Variants in COL20A1 observed in about 807,000 individuals in gnomAD.
COL20A1 encodes collagen type XX alpha 1 chain.
In COL20A1, 164 loss-of-function variants were observed where a neutral mutation model predicts 152.9. That is an observed-to-expected ratio of 1.07 (90% CI 0.94 to 1.22). The LOEUF (loss-of-function observed/expected upper bound fraction) is 1.22. Among genes scored for constraint, COL20A1 ranks in the 50% most tolerant of loss-of-function variants. The pLI is 0.00. For missense variants in COL20A1, 1,873 were observed against 1,744.8 expected (o/e 1.07, Z -1.31); for synonymous variants, 864 against 756.0 (o/e 1.14, Z -2.34).
In COL20A1 at chr20:63,306,863, G is replaced by A. The variant is rs1036397336; in HGVS notation, c.497-627G>A. Among the ~76,000 whole-genome samples the A allele has an allele frequency of 6.6e-6, 1 of 152,198 alleles. No homozygotes were observed. The highest frequency in any genetic ancestry group is 6.5e-5 in the Admixed American group (1 of 15,288). On this transcript the variant is annotated intron_variant, in intron 5 of 35. Coordinates refer to ENST00000358894, the MANE Select transcript of COL20A1 (RefSeq NM_020882.4). The surrounding 1 kb of genome is among the most constrained non-coding windows in gnomAD (Gnocchi z 6.9). ...TCCCCTCCAGAGGGTCCTCGGGTCC[G>A]CTGCTGTCCTCCCCTCAGGGTGCTG...
chr20:63,328,557 C>G, intron 34 of COL20A1, 59 bp downstream of exon 34: 1 of 1,498,782 alleles, frequency 6.7e-7, no homozygotes, highest in South Asian at 1.2e-5. Flanking sequence ...CCGGTTGTCC[C>G]CTGGTCCTGG....
chr20:63,319,445 G>A lies in COL20A1; in HGVS notation c.2807-42G>A. The A allele has an allele frequency of 1.4e-6, 2 of 1,452,256 alleles. No homozygotes were observed. Among genetic ancestry groups the A allele is most frequent in the South Asian group, 1.2e-5 (1 of 81,568 alleles). The allele number at this position is 1,452,256 out of a possible 1,614,324, so 90.0% of individuals were successfully genotyped here. A position where few individuals can be genotyped will look rare whatever the true frequency, so the allele number is the denominator to read the frequency against. On this transcript the variant is annotated intron_variant, in intron 22 of 35. Transcript: ENST00000358894. The surrounding 1 kb of genome is among the most constrained non-coding windows in gnomAD (Gnocchi z 4.4). Reference sequence around the variant, plus strand: ...CCCTGCTCAAGGTATAGGCCCGGCTGGTTGCAGCCCGTTCTCACCTGCTCC... The same window carrying A: ...CCCTGCTCAAGGTATAGGCCCGGCTAGTTGCAGCCCGTTCTCACCTGCTCC...
At position 63,311,598 on chromosome 20, in the gene COL20A1, C is replaced by A. The variant is rs1345460367; in HGVS notation, c.1540-27C>A. 3.1e-6 allele frequency: 5 copies of A among 1,610,268 alleles called. No individual in the cohort carries two copies. The African/African-American group carries it at 6.7e-5, about 22-fold the overall frequency. ...AGGAGTGGGGCAGAGCGAGTGGGGG[C>A]TGGCCTGGGACGTCATGTCTCTGCA... On this transcript the variant is annotated intron_variant, in intron 12 of 35. Transcript: ENST00000358894. This position sits in a 1 kb window ranked among gnomAD's most constrained non-coding sequence, Gnocchi z 4.4.
chr20:63,331,718 C>T lies in COL20A1; in HGVS notation c.*1002C>T, dbSNP rs1304687530. ...TTCAGTAACTAGTCCACTGTTACCACTTAGGCAGCTAAGCAAGAAAGGTGC... is the reference window on the plus strand; with the variant it reads ...TTCAGTAACTAGTCCACTGTTACCATTTAGGCAGCTAAGCAAGAAAGGTGC... On this transcript the variant is annotated 3_prime_UTR_variant, in exon 36 of 36. Coordinates refer to ENST00000358894, the MANE Select transcript of COL20A1 (RefSeq NM_020882.4). The T allele has an allele frequency of 1.3e-5, 2 of 152,162 alleles. No homozygotes were observed. Among genetic ancestry groups the T allele is most frequent in the East Asian group, 3.8e-4 (2 of 5,196 alleles). The allele number at this position is 152,162 out of a possible 1,614,324, so 9.4% of individuals were successfully genotyped here.
intron 34 of COL20A1, 45 bp downstream of exon 34, chr20:63,328,543 G>A: frequency 6.4e-7 from 1 of 1,556,676 alleles, no homozygotes; most frequent in Non-Finnish European, 8.7e-7. Flanking sequence ...GGCCGGTGGG[G>A]GCGCCGGTTG....
In COL20A1 at chr20:63,321,029, G is replaced by A; in HGVS notation, c.3170G>A (p.Cys1057Tyr). The A allele has an allele frequency of 1.3e-6, 2 of 1,581,928 alleles. No homozygotes were observed. The highest frequency in any genetic ancestry group is 1.7e-6 in the Non-Finnish European group (2 of 1,165,904). The change falls in exon 26 of 36, where the codon TGC becomes TAC. Residue 1057 changes from cysteine to tyrosine, a missense_variant. Cys to Tyr is a radical substitution (Grantham distance 194, BLOSUM62 -2). Coordinates refer to ENST00000358894, the MANE Select transcript of COL20A1 (RefSeq NM_020882.4). ...TTCTTCCAGAGGGATGGAGAGACCT[G>A]CCCCGCCTTCGTGTCTGCCTGTTCC... The part of the protein sequence containing the change: ...ELPASRDGET[C>Y]PAFVSACSCS...
chr20:63,325,543 A>G, intron 28 of COL20A1, 49 bp downstream of exon 28: 2 of 1,577,664 alleles, frequency 1.3e-6, no homozygotes, highest in East Asian at 4.5e-5. Flanking sequence ...GGGGTGGGGG[A>G]AGGACAGGGA....
chr20:63,294,247 C>G (rs752313083), intron 1 of COL20A1, among the ~76,000 whole-genome samples: 152 of 124,510 alleles, frequency 1.2e-3, no homozygotes, highest in Non-Finnish European at 2.1e-3. Flanking sequence ...AGTGAACCCC[C>G]GGCATTTCTT....
intron 6 of COL20A1, 129 bp downstream of exon 6, chr20:63,307,777 C>T (rs1223826382): frequency 8.2e-7 from 1 of 1,225,460 alleles, no homozygotes; most frequent in Non-Finnish European, 1.1e-6. Flanking sequence ...GGGACGCCTG[C>T]TCCACATGGG....
chr20:63,313,336 A>C lies in COL20A1; in HGVS notation c.2209+87A>C. On this transcript the variant is annotated intron_variant, in intron 17 of 35. Transcript: ENST00000358894. The surrounding 1 kb of genome is among the most constrained non-coding windows in gnomAD (Gnocchi z 5.9). Reference sequence around the variant, plus strand: ...GACTCACCCGCTGCACAGGCCCAGGACCCTAGACTCCCAGAACTGCTGGCT... The same window carrying C: ...GACTCACCCGCTGCACAGGCCCAGGCCCCTAGACTCCCAGAACTGCTGGCT... The C allele has an allele frequency of 7.1e-7, 1 of 1,403,554 alleles. No homozygotes were observed. Among genetic ancestry groups the C allele is most frequent in the Non-Finnish European group, 9.7e-7 (1 of 1,035,376 alleles). The allele number at this position is 1,403,554 out of a possible 1,614,324, so 86.9% of individuals were successfully genotyped here. A position where few individuals can be genotyped will look rare whatever the true frequency, so the allele number is the denominator to read the frequency against.
intron 27 of COL20A1, chr20:63,324,833 G>C (rs2068219685): frequency 5.9e-6 from 1 of 168,212 alleles, no homozygotes; most frequent in Admixed American, 5.6e-5. Flanking sequence ...CTGCCCCACA[G>C]GGTTGGATTT....
chr20:63,316,833 G>T (rs1446700906), intron 21 of COL20A1, 142 bp downstream of exon 21: 17 of 716,978 alleles, frequency 2.4e-5, no homozygotes, highest in Non-Finnish European at 3.6e-5. Flanking sequence ...TCAGCAAACG[G>T]CTGACTCACC....
At chr20:63,307,453 G>A (rs770226361) in intron 5 of COL20A1, 37 bp from the exon 6 acceptor site, 131 of 1,589,546 alleles carry the variant, frequency 8.2e-5, no homozygotes, top group Non-Finnish European at 1.1e-4. Flanking sequence ...CCAGGGATGG[G>A]CCTCACCTAG....
rs1173178744 is a variant in COL20A1 at position 63,313,908 on chromosome 20, C to T, written c.2358+17C>T. 1.3e-6 allele frequency: 2 copies of T among 1,588,586 alleles called. No homozygotes were observed. The highest frequency in any genetic ancestry group is 1.8e-5 in the Admixed American group (1 of 57,106). ...GAGAAATCCGTGAGTCTTGGTAGAG[C>T]CTGAGGCTGCCCCACCTCGTGGGGC... On this transcript the variant is annotated intron_variant, in intron 18 of 35. Coordinates refer to ENST00000358894, the MANE Select transcript of COL20A1 (RefSeq NM_020882.4). The surrounding 1 kb of genome is among the most constrained non-coding windows in gnomAD (Gnocchi z 5.9).
At chr20:63,299,433 G>A (rs139256381) in intron 3 of COL20A1, among the ~76,000 whole-genome samples, 109 of 152,276 alleles carry the variant, frequency 7.2e-4, no homozygotes, top group African/African-American at 2.4e-3. Context: ...GGTGTTCAGT[G>A]GTATCCTGTG....
chr20:63,325,702 T>A lies in COL20A1; in HGVS notation c.3383T>A (p.Val1128Asp). Residue 1128 changes from valine (V) to aspartate (D), a missense_variant, in exon 29 of 36, where the codon GTT becomes GAT. Val to Asp is a radical substitution (Grantham distance 152, BLOSUM62 -3). Transcript: ENST00000358894. Reference sequence around the variant, plus strand: ...GGCCACCAGGGCATCCCCGGGAGAGTTGGCCTCCAGGGACCAAAGGTGCCG... The same window carrying A: ...GGCCACCAGGGCATCCCCGGGAGAGATGGCCTCCAGGGACCAAAGGTGCCG... ...HPGHQGIPGR[V>D]GLQGPKGMRG... 6 of 1,611,648 alleles carry A rather than the reference T, an allele frequency of 3.7e-6. 1 individual carries two copies. The highest frequency in any genetic ancestry group is 1.7e-6 in the Non-Finnish European group (2 of 1,179,496).
chr20:63,305,528 G>A lies in COL20A1; in HGVS notation c.305G>A (p.Gly102Glu), dbSNP rs2067913366. 1 of 1,605,606 alleles carries A rather than the reference G, an allele frequency of 6.2e-7. No individual in the cohort carries two copies. Residue 102 changes from glycine to glutamate, a missense_variant, in exon 4 of 36, where the codon GGG (glycine) becomes GAG (glutamate). Gly to Glu is a moderately conservative substitution (Grantham distance 98, BLOSUM62 -2). Coordinates refer to ENST00000358894, the MANE Select transcript of COL20A1 (RefSeq NM_020882.4). This position sits in a 1 kb window ranked among gnomAD's most constrained non-coding sequence, Gnocchi z 4.9. Reference sequence around the variant, plus strand: ...CAGATCTTCGAGCTCACTGGCTCTGGGCGCTTCCTGCTAGCTCGGAGGGAG... The same window carrying A: ...CAGATCTTCGAGCTCACTGGCTCTGAGCGCTTCCTGCTAGCTCGGAGGGAG... The part of the protein sequence containing the change: ...TLQIFELTGS[G>E]RFLLARREFV...
intron 7 of COL20A1, 93 bp downstream of exon 7, chr20:63,308,183 C>T (rs1601413820): frequency 6.7e-7 from 1 of 1,483,790 alleles, no homozygotes; most frequent in Non-Finnish European, 9.2e-7. Context: ...AAATCGAGCT[C>T]CAAGTGGTGT....
intron 31 of COL20A1, 102 bp from the exon 32 acceptor site, chr20:63,327,850 C>G (rs572490792): frequency 8.2e-7 from 1 of 1,221,086 alleles, no homozygotes; most frequent in South Asian, 1.3e-5. Context: ...CTGTGGCTAT[C>G]AGGCTGCCTG....
Sources: gnomAD v4.1 joint callset for allele counts (sites outside exome capture counted in the v4.1 genomes callset) on GRCh38, gnomAD v4.1.1 for gene constraint, Gnocchi (gnomAD v3.1) non-coding constraint, MANE v1.5 for transcripts, NCBI Gene and HGNC (gene_info 2026-07-23, HGNC 2026-07-21) for gene names.